NHLRC2: variants seen among roughly 807,000 people sequenced by gnomAD.
NHLRC2 encodes the protein NHL repeat containing 2, also known as NHL repeat-containing protein 2.
Under a neutral mutation model 68.1 loss-of-function variants are expected in NHLRC2, and 33 were observed. That is an observed-to-expected ratio of 0.48 (90% CI 0.37 to 0.65). The LOEUF (loss-of-function observed/expected upper bound fraction) is 0.65. Among genes scored for constraint, NHLRC2 ranks in the 30% least tolerant of loss-of-function variants. The pLI, the probability that NHLRC2 is intolerant of heterozygous loss-of-function variation, is 0.00. For missense variants in NHLRC2, 761 were observed against 853.8 expected (o/e 0.89, Z 1.35); for synonymous variants, 311 against 309.6 (o/e 1.00, Z -0.05).
At chr10:113,873,001 A>T (rs1352191862) in intron 2 of NHLRC2, among the ~76,000 whole-genome samples, 1 of 152,204 alleles carries the variant, frequency 6.6e-6, no homozygotes, top group Admixed American at 6.5e-5. Context: ...TCCAAGAAGT[A>T]TCCTAGTAAA....
intron 8 of NHLRC2, among the ~76,000 whole-genome samples, 194 bp from the exon 9 acceptor site, chr10:113,903,333 T>C (rs1224564037): frequency 6.6e-6 from 1 of 152,198 alleles, no homozygotes; most frequent in African/African-American, 2.4e-5. Flanking sequence ...GTTCTTAGAA[T>C]AGAATATCTC....
chr10:113,876,849 T>A lies in NHLRC2; in HGVS notation c.660T>A (p.Pro220=). ...GIKLYKDSLP[P]SPLLFPGKVT... ...AACTCTATAAAGATTCTTTGCCACC[T>A]TCACCATTGCTATTTCCTGGCAAAG... Residue 220 remains proline (P), a synonymous_variant, in exon 3 of 11, where the codon CCT becomes CCA. Transcript: ENST00000369301. The A allele has an allele frequency of 1.2e-6, 2 of 1,612,482 alleles. No homozygotes were observed. The highest frequency in any genetic ancestry group is 1.7e-6 in the Non-Finnish European group (2 of 1,178,758).
At position 113,865,287 on chromosome 10, in the gene NHLRC2, C is replaced by CCT. The variant is rs967769882; in HGVS notation, c.331+6608_331+6609insTC. 3.6e-5 allele frequency among the ~76,000 whole-genome samples: 5 copies of CCT among 139,686 alleles called. 1 individual carries two copies. The highest frequency in any genetic ancestry group is 1.3e-4 in the African/African-American group (5 of 37,988). The allele number at this position is 139,686 out of a possible 152,430, so 91.6% of individuals were successfully genotyped here. A position where few individuals can be genotyped will look rare whatever the true frequency, so the allele number is the denominator to read the frequency against. The stretch of plus-strand genomic sequence containing the variant: ...TTTTAAAAATCGCTTTTCATCCCCC[C>CCT]CCCCCGTTCCTCTCACCATATAATA... On this transcript the variant is annotated intron_variant, in intron 2 of 10. Transcript: ENST00000369301.
At position 113,855,137 on chromosome 10, in the gene NHLRC2, C is replaced by A. The variant is rs549706338; in HGVS notation, c.178+87C>A. The stretch of plus-strand genomic sequence containing the variant: ...CCCTCCCGCGAAGCGGTGGGCTAGG[C>A]GGGTTTGTGCCGCTGGCGCCCCGGG... On this transcript the variant is annotated intron_variant, in intron 1 of 10. Coordinates refer to ENST00000369301, the MANE Select transcript of NHLRC2 (RefSeq NM_198514.4). The A allele has an allele frequency of 1.3e-4, 164 of 1,217,338 alleles. No homozygotes were observed. In the African/African-American group the frequency reaches 1.7e-3, roughly 13 times the overall value. 75.4% of individuals were successfully genotyped at this position (1,217,338 alleles called of 1,614,324 possible). A position where few individuals can be genotyped will look rare whatever the true frequency, so the allele number is the denominator to read the frequency against.
intron 5 of NHLRC2, among the ~76,000 whole-genome samples, chr10:113,890,408 A>G (rs1345801869): frequency 1.3e-5 from 2 of 151,934 alleles, no homozygotes; most frequent in South Asian, 2.1e-4. Flanking sequence ...TGTAAAGTGT[A>G]TTTTTTTCTC....
At chr10:113,889,676 A>G (rs1432134866) in intron 5 of NHLRC2, among the ~76,000 whole-genome samples, 1 of 152,152 alleles carries the variant, frequency 6.6e-6, no homozygotes, top group Non-Finnish European at 1.5e-5. Flanking sequence ...CACAGTCAAG[A>G]TACAGAATAT....
At position 113,915,058 on chromosome 10, in the gene NHLRC2, T is replaced by A. The variant is rs543864215; in HGVS notation, c.*6522T>A. On this transcript the variant is annotated 3_prime_UTR_variant, in exon 11 of 11. Transcript: ENST00000369301. Reference sequence around the variant, plus strand: ...GCATCCCACCTGTTTCTGAGTGTGTTGGTTTGGTTTAATTCTTTTCAAGGG... The same window carrying A: ...GCATCCCACCTGTTTCTGAGTGTGTAGGTTTGGTTTAATTCTTTTCAAGGG... 1 of 456,252 alleles carries A rather than the reference T, an allele frequency of 2.2e-6. No homozygotes were observed. The highest frequency in any genetic ancestry group is 2.0e-5 in the African/African-American group (1 of 50,184). 28.3% of individuals were successfully genotyped at this position (456,252 alleles called of 1,614,324 possible). A position where few individuals can be genotyped will look rare whatever the true frequency, so the allele number is the denominator to read the frequency against.
At chr10:113,899,945 T>C (rs770004278) in intron 6 of NHLRC2, among the ~76,000 whole-genome samples, 2 of 151,906 alleles carry the variant, frequency 1.3e-5, no homozygotes, top group East Asian at 1.9e-4. Context: ...AATTGTTCCT[T>C]ATATAAGTAA....
In NHLRC2 at chr10:113,854,966, CAGG is replaced by C. The variant is rs1845730429; in HGVS notation, c.97_99del (p.Glu33del). On this transcript the variant is annotated inframe_deletion, in exon 1 of 11. Coordinates refer to ENST00000369301, the MANE Select transcript of NHLRC2 (RefSeq NM_198514.4). ...CGCCCTGCTCGACGCCGTTACCCAG[CAGG>C]AGAAGGACAGCCTGGTCTACCAGTA... 2.6e-6 allele frequency: 4 copies of C among 1,553,904 alleles called. No homozygotes were observed. The highest frequency in any genetic ancestry group is 3.5e-6 in the Non-Finnish European group (4 of 1,148,118).
Position 113,854,944 on chromosome 10 carries a change from C to A in NHLRC2, c.72C>A (p.Ala24=). 6.4e-7 allele frequency: 1 copy of A among 1,555,174 alleles called. No homozygotes were observed. Among genetic ancestry groups the A allele is most frequent in the Non-Finnish European group, 8.7e-7 (1 of 1,148,990 alleles). The change falls in exon 1 of 11, where the codon GCC becomes GCA. Residue 24 remains alanine, a synonymous_variant. Coordinates refer to ENST00000369301, the MANE Select transcript of NHLRC2 (RefSeq NM_198514.4). ...CCGCGCAGACCTCGCTAGAGTACGC[C>A]CTGCTCGACGCCGTTACCCAGCAGG... ...LLPAQTSLEY[A]LLDAVTQQEK... is the part of the protein sequence containing the mutation.
At chr10:113,904,756 T>C in intron 9 of NHLRC2, 61 bp from the exon 10 acceptor site, 2 of 1,223,382 alleles carry the variant, frequency 1.6e-6, no homozygotes, top group Non-Finnish European at 2.4e-6. Flanking sequence ...AAAAATATGC[T>C]CTCATTCTAT....
chr10:113,899,576 A>G lies in NHLRC2; in HGVS notation c.1139+1367A>G, dbSNP rs557109178. ...TCAGTGAACTTACAGAGGAAGAATCAGATCAGCAAACAATTAAAAGTTAGT... is the reference window on the plus strand; with the variant it reads ...TCAGTGAACTTACAGAGGAAGAATCGGATCAGCAAACAATTAAAAGTTAGT... On this transcript the variant is annotated intron_variant, in intron 6 of 10. Transcript: ENST00000369301. Among the ~76,000 whole-genome samples, 253 of 152,350 alleles carry G rather than the reference A, an allele frequency of 1.7e-3. 1 individual carries two copies. Among genetic ancestry groups the G allele is most frequent in the African/African-American group, 6.0e-3 (248 of 41,580 alleles).
intron 2 of NHLRC2, among the ~76,000 whole-genome samples, chr10:113,859,282 T>G (rs1845793146): frequency 6.6e-6 from 1 of 152,020 alleles, no homozygotes; most frequent in African/African-American, 2.4e-5. Context: ...GTTTGAAAAA[T>G]TAATCAAATT....
At chr10:113,858,419 G>A (rs1447280022) in intron 1 of NHLRC2, 109 bp from the exon 2 acceptor site, 2 of 682,376 alleles carry the variant, frequency 2.9e-6, no homozygotes, top group East Asian at 2.7e-5. Flanking sequence ...CTCTCTCAAA[G>A]TGTTTATTTG....
intron 3 of NHLRC2, among the ~76,000 whole-genome samples, 191 bp downstream of exon 3, chr10:113,877,167 A>G (rs943526026): frequency 6.6e-6 from 1 of 152,140 alleles, no homozygotes; most frequent in Non-Finnish European, 1.5e-5. Context: ...ACTCCCTCAT[A>G]AAACAAACAA....
At chr10:113,861,839 A>G (rs936588445) in intron 2 of NHLRC2, among the ~76,000 whole-genome samples, 6 of 152,202 alleles carry the variant, frequency 3.9e-5, no homozygotes, top group East Asian at 3.8e-4. Context: ...AAATTATTCT[A>G]AAAGCTAATG....
At chr10:113,889,264 T>C (rs539825271) in intron 5 of NHLRC2, among the ~76,000 whole-genome samples, 1 of 152,198 alleles carries the variant, frequency 6.6e-6, no homozygotes, top group Non-Finnish European at 1.5e-5. Context: ...GTTTAGCCAT[T>C]CTTCTACAAC....
chr10:113,884,756 TA>T (rs1283431285), intron 5 of NHLRC2, among the ~76,000 whole-genome samples: 3 of 151,470 alleles, frequency 2.0e-5, no homozygotes, highest in African/African-American at 7.3e-5. Flanking sequence ...AATTTATTCA[TA>T]AATAAGGAAC....
At chr10:113,879,490 C>T (rs2134710666) in intron 3 of NHLRC2, 84 bp from the exon 4 acceptor site, 21 of 1,176,492 alleles carry the variant, frequency 1.8e-5, no homozygotes, top group South Asian at 7.3e-5. Context: ...TATTAAAATC[C>T]CAGCATTAAA....
Sources: gnomAD v4.1 joint callset for allele counts (sites outside exome capture counted in the v4.1 genomes callset) on GRCh38, gnomAD v4.1.1 for gene constraint, MANE v1.5 for transcripts, NCBI Gene and HGNC (gene_info 2026-07-23, HGNC 2026-07-21) for gene names.